EBF1: variants seen among roughly 807,000 people sequenced by gnomAD.
EBF1 encodes transcription factor COE1.
A neutral mutation model predicts 68.4 loss-of-function variants in EBF1; 10 were observed. The observed-to-expected ratio is 0.15, with a 90% CI of 0.09 to 0.25. EBF1 has a LOEUF of 0.25. EBF1 is among the 10% of genes least tolerant of loss of function. The pLI, the probability that EBF1 is intolerant of heterozygous loss-of-function variation, is 1.00. For missense variants in EBF1, 509 were observed against 794.4 expected (o/e 0.64, Z 4.32); for synonymous variants, 298 against 299.8 (o/e 0.99, Z 0.06).
At chr5:159,065,749 A>G (rs1776686911) in intron 6 of EBF1, among the ~76,000 whole-genome samples, 1 of 152,210 alleles carries the variant, frequency 6.6e-6, no homozygotes, top group South Asian at 2.1e-4. Context: ...CAGATTAAAA[A>G]TGTACATGGG....
intron 6 of EBF1, among the ~76,000 whole-genome samples, chr5:158,999,940 G>C (rs969999885): frequency 6.6e-6 from 1 of 152,214 alleles, no homozygotes; most frequent in African/African-American, 2.4e-5. Context: ...AGACAGTATT[G>C]TGTGGAGCAG....
chr5:159,096,795 G>T (rs112379541), intron 2 of EBF1, among the ~76,000 whole-genome samples, 179 bp downstream of exon 2: 11 of 152,226 alleles, frequency 7.2e-5, no homozygotes, highest in African/African-American at 2.4e-4. Flanking sequence ...CTTTTCTGGA[G>T]AAGGAGCCAG....
chr5:159,019,281 C>T (rs940268044), intron 6 of EBF1, among the ~76,000 whole-genome samples: 1 of 152,194 alleles, frequency 6.6e-6, no homozygotes, highest in Non-Finnish European at 1.5e-5. Flanking sequence ...TGTATAATTT[C>T]CCACAACATT....
chr5:158,817,823 TC>T (rs1784061806), intron 8 of EBF1, among the ~76,000 whole-genome samples: 2 of 152,228 alleles, frequency 1.3e-5, no homozygotes, highest in South Asian at 4.1e-4. Context: ...GTCTGCATTA[TC>T]CTACTGCACC....
At chr5:159,096,234 A>T in intron 3 of EBF1, 109 bp downstream of exon 3, 2 of 1,196,854 alleles carry the variant, frequency 1.7e-6, no homozygotes, top group East Asian at 5.1e-5. Flanking sequence ...CCTCAAATAA[A>T]GCGGATGACT....
intron 6 of EBF1, among the ~76,000 whole-genome samples, chr5:158,989,521 G>T (rs1387913151): frequency 6.6e-6 from 1 of 152,166 alleles, no homozygotes; most frequent in African/African-American, 2.4e-5. Context: ...AAAACCAATT[G>T]CAGGCATCCC....
intron 6 of EBF1, among the ~76,000 whole-genome samples, chr5:159,002,953 T>A (rs569766195): frequency 1.3e-5 from 2 of 152,342 alleles, no homozygotes; most frequent in Non-Finnish European, 2.9e-5. Flanking sequence ...AAGGAAGTTT[T>A]GTGAAAATAA....
At chr5:158,753,981 AT>A (rs1256124461) in intron 10 of EBF1, among the ~76,000 whole-genome samples, 1 of 151,524 alleles carries the variant, frequency 6.6e-6, no homozygotes, top group Admixed American at 6.6e-5. Flanking sequence ...GTATTTGCTA[AT>A]TTTTTTTCTA....
chr5:158,790,344 AT>A (rs1281427641), intron 9 of EBF1, among the ~76,000 whole-genome samples: 1 of 152,216 alleles, frequency 6.6e-6, no homozygotes, highest in Non-Finnish European at 1.5e-5. Context: ...TCCTGGTCTA[AT>A]CTGAATGATA....
In EBF1 at chr5:158,830,408, C is replaced by G. The variant is rs1051590339; in HGVS notation, c.637-7091G>C. Among the ~76,000 whole-genome samples the G allele has an allele frequency of 2.0e-5, 3 of 152,130 alleles. No individual in the cohort carries two copies. The South Asian group carries it at 6.2e-4, about 32-fold the overall frequency. ...GCCTCAGCCTCCTGACTAGCTGGGA[C>G]TAGAGGGGCACACCACCACACCCAG... On this transcript the variant is annotated intron_variant, in intron 7 of 15. Transcript: ENST00000313708.
intron 8 of EBF1, among the ~76,000 whole-genome samples, chr5:158,804,307 T>C (rs1373186339): frequency 6.6e-6 from 1 of 152,080 alleles, no homozygotes; most frequent in Non-Finnish European, 1.5e-5. Context: ...TTCCAATTTA[T>C]GCCATTTGCT....
At chr5:159,018,244 A>G (rs964554986) in intron 6 of EBF1, among the ~76,000 whole-genome samples, 2 of 152,244 alleles carry the variant, frequency 1.3e-5, no homozygotes, top group Admixed American at 1.3e-4. Context: ...GTTCTTTCAC[A>G]TCAAGCCAAT....
At position 158,712,076 on chromosome 5, in the gene EBF1, G is replaced by A. The variant is rs918802110; in HGVS notation, c.1549+78C>T. On this transcript the variant is annotated intron_variant, in intron 14 of 15. Transcript: ENST00000313708. ...GGGGGGCCTCAGACCGAGAAGCCCT[G>A]CCCACTGGGCCACATGGCATGATGC... is the stretch of plus-strand genomic sequence containing the variant. 1.2e-4 allele frequency: 184 copies of A among 1,544,372 alleles called. 3 individuals are homozygous for A. The Middle Eastern group carries it at 1.5e-3, about 13-fold the overall frequency.
At chr5:158,857,434 CAAT>C (rs1224403492) in intron 6 of EBF1, among the ~76,000 whole-genome samples, 3 of 152,052 alleles carry the variant, frequency 2.0e-5, no homozygotes, top group African/African-American at 7.2e-5. Flanking sequence ...TACCCATTCA[CAAT>C]GACATAAATG....
At chr5:159,032,845 T>G (rs1284718569) in intron 6 of EBF1, among the ~76,000 whole-genome samples, 2 of 152,094 alleles carry the variant, frequency 1.3e-5, no homozygotes, top group Non-Finnish European at 2.9e-5. Context: ...TATCAAGAGC[T>G]CTCAAGTCAT....
At chr5:158,922,897 C>T (rs1006584277) in intron 6 of EBF1, among the ~76,000 whole-genome samples, 2 of 152,166 alleles carry the variant, frequency 1.3e-5, no homozygotes, top group African/African-American at 4.8e-5. Context: ...ATGAGACACA[C>T]AAATAACTGA....
intron 6 of EBF1, among the ~76,000 whole-genome samples, chr5:158,953,021 C>T (rs1816362749): frequency 6.6e-6 from 1 of 150,692 alleles, no homozygotes; most frequent in Admixed American, 6.6e-5. Flanking sequence ...GTGAGCATTA[C>T]AAAGCTCCCC....
intron 6 of EBF1, among the ~76,000 whole-genome samples, chr5:158,971,516 C>T (rs1009174830): frequency 2.0e-5 from 3 of 152,296 alleles, no homozygotes; most frequent in East Asian, 3.9e-4. Context: ...GCTTTTGCTT[C>T]GGTTGCAGGA....
intron 9 of EBF1, among the ~76,000 whole-genome samples, chr5:158,795,651 C>T (rs574604001): frequency 3.9e-5 from 6 of 152,294 alleles, no homozygotes; most frequent in East Asian, 1.9e-4. Flanking sequence ...ATCTATATAA[C>T]GGGATGCATG....
Sources: gnomAD v4.1 joint callset for allele counts (sites outside exome capture counted in the v4.1 genomes callset) on GRCh38, gnomAD v4.1.1 for gene constraint, MANE v1.5 for transcripts, NCBI Gene and HGNC (gene_info 2026-07-23, HGNC 2026-07-21) for gene names.